PRKN: variants seen among roughly 807,000 people sequenced by gnomAD.
The protein encoded by PRKN is E3 ubiquitin-protein ligase parkin.
A neutral mutation model predicts 59.5 loss-of-function variants in PRKN; 56 were observed. That is an observed-to-expected ratio of 0.94 (90% CI 0.76 to 1.18). The LOEUF (loss-of-function observed/expected upper bound fraction) is 1.18. PRKN is among the 50% of genes most tolerant of loss of function. The pLI is 0.00. For synonymous variants in PRKN, 250 were observed against 222.1 expected (o/e 1.13, Z -1.12); for missense variants, 657 against 596.4 (o/e 1.10, Z -1.06).
intron 5 of PRKN, among the ~76,000 whole-genome samples, chr6:162,030,266 G>C (rs1471017924): frequency 6.6e-6 from 1 of 152,060 alleles, no homozygotes; most frequent in Non-Finnish European, 1.5e-5. Context: ...AAATGATGTT[G>C]CCTCCCATGT....
rs1224174461 is a variant in PRKN at position 161,357,662 on chromosome 6, A to G, written c.1285+2426T>C. Among the ~76,000 whole-genome samples the G allele has an allele frequency of 6.6e-6, 1 of 152,252 alleles. No homozygotes were observed. Among genetic ancestry groups the G allele is most frequent in the East Asian group, 1.9e-4 (1 of 5,206 alleles). ...TAGAGCTACTCACTATGACATGGTAACATCTTGTTTCCAGTCTTTTTCTTC... is the reference window on the plus strand; with the variant it reads ...TAGAGCTACTCACTATGACATGGTAGCATCTTGTTTCCAGTCTTTTTCTTC... On this transcript the variant is annotated intron_variant, in intron 11 of 11. Coordinates refer to ENST00000366898, the MANE Select transcript of PRKN (RefSeq NM_004562.3). This position sits in a 1 kb window ranked among gnomAD's most constrained non-coding sequence, Gnocchi z 5.5.
At chr6:161,615,004 C>G (rs1009405501) in intron 7 of PRKN, among the ~76,000 whole-genome samples, 2 of 151,208 alleles carry the variant, frequency 1.3e-5, no homozygotes, top group Non-Finnish European at 2.9e-5. Flanking sequence ...AGAGAGAACA[C>G]TGAAACTGTA....
intron 7 of PRKN, among the ~76,000 whole-genome samples, chr6:161,781,343 A>G (rs1484329599): frequency 6.6e-6 from 1 of 152,222 alleles, no homozygotes; most frequent in African/African-American, 2.4e-5. Flanking sequence ...AAATGTGTAG[A>G]AGGATTCCAA....
chr6:162,676,136 A>G (rs1294871308), intron 1 of PRKN, among the ~76,000 whole-genome samples: 1 of 152,180 alleles, frequency 6.6e-6, no homozygotes, highest in Non-Finnish European at 1.5e-5. Flanking sequence ...GAAATACAAA[A>G]GAAAGTGTTC....
chr6:161,658,441 T>A (rs992779690), intron 7 of PRKN, among the ~76,000 whole-genome samples: 1 of 152,128 alleles, frequency 6.6e-6, no homozygotes, highest in African/African-American at 2.4e-5. Flanking sequence ...AAACTAGAAA[T>A]CATCTTTGAA....
chr6:162,287,551 G>C (rs1781250297), intron 2 of PRKN, among the ~76,000 whole-genome samples: 1 of 152,090 alleles, frequency 6.6e-6, no homozygotes, highest in African/African-American at 2.4e-5. Flanking sequence ...CCGGGCAACA[G>C]AGAGAGACCT....
intron 9 of PRKN, among the ~76,000 whole-genome samples, chr6:161,415,369 C>G (rs575759477): frequency 4.6e-5 from 7 of 151,650 alleles, no homozygotes; most frequent in Non-Finnish European, 1.0e-4. Context: ...TAGATTTGAA[C>G]AACTCCATAA....
intron 7 of PRKN, among the ~76,000 whole-genome samples, chr6:161,628,686 G>C (rs1454932989): frequency 6.6e-6 from 1 of 152,184 alleles, no homozygotes; most frequent in Non-Finnish European, 1.5e-5. Flanking sequence ...CTTAGAAGAG[G>C]GGGTCTGACA....
chr6:162,249,198 T>C (rs1373761839), intron 3 of PRKN, among the ~76,000 whole-genome samples: 1 of 152,224 alleles, frequency 6.6e-6, no homozygotes, highest in African/African-American at 2.4e-5. Context: ...TTTAAAAAAC[T>C]GTAAGTAGTA....
At chr6:162,560,857 A>AAAAAAAAAAAAAAC (rs1269742680) in intron 1 of PRKN, among the ~76,000 whole-genome samples, 2 of 150,242 alleles carry the variant, frequency 1.3e-5, no homozygotes, top group Non-Finnish European at 3.0e-5. Flanking sequence ...GAGAGGCAAA[A>AAAAAAAAAAAAAAC]AAAAAAAAAA....
At chr6:161,934,014 C>T (rs1361812199) in intron 6 of PRKN, among the ~76,000 whole-genome samples, 3 of 152,194 alleles carry the variant, frequency 2.0e-5, no homozygotes, top group Non-Finnish European at 4.4e-5. Context: ...TGTATCCCTG[C>T]CCAAATCTCA....
chr6:162,378,684 G>A (rs1017715535), intron 2 of PRKN, among the ~76,000 whole-genome samples: 1 of 152,238 alleles, frequency 6.6e-6, no homozygotes, highest in Non-Finnish European at 1.5e-5. Context: ...ACTGTTAAAT[G>A]AGCTTAAACT....
intron 2 of PRKN, among the ~76,000 whole-genome samples, chr6:162,386,760 A>G (rs1786841196): frequency 1.3e-5 from 2 of 152,244 alleles, no homozygotes; most frequent in African/African-American, 2.4e-5. Flanking sequence ...CAGATGGAGA[A>G]AGAAAAATTG....
intron 1 of PRKN, among the ~76,000 whole-genome samples, chr6:162,607,647 AGAGTT>A (rs1007906704): frequency 9.2e-5 from 14 of 152,282 alleles, no homozygotes; most frequent in African/African-American, 3.4e-4. Flanking sequence ...GATAATCAAT[AGAGTT>A]AACTTTCTTA....
intron 2 of PRKN, among the ~76,000 whole-genome samples, chr6:162,413,917 C>T (rs762793081): frequency 1.3e-5 from 2 of 152,160 alleles, no homozygotes; most frequent in Non-Finnish European, 2.9e-5. Context: ...CGCGGTGGCT[C>T]ACGCCTGTAG....
At chr6:162,635,547 A>C (rs1010000094) in intron 1 of PRKN, among the ~76,000 whole-genome samples, 1 of 152,030 alleles carries the variant, frequency 6.6e-6, no homozygotes, top group African/African-American at 2.4e-5. Flanking sequence ...CTTATGTCGT[A>C]GCTTTGTTAA....
At chr6:162,387,137 A>G (rs1467346145) in intron 2 of PRKN, among the ~76,000 whole-genome samples, 2 of 151,860 alleles carry the variant, frequency 1.3e-5, no homozygotes, top group Non-Finnish European at 2.9e-5. Flanking sequence ...AGAATTTTTG[A>G]AGCAATGATG....
intron 3 of PRKN, among the ~76,000 whole-genome samples, chr6:162,222,621 C>T (rs1325009650): frequency 1.3e-5 from 2 of 152,124 alleles, no homozygotes; most frequent in African/African-American, 4.8e-5. Context: ...CCAATTAATG[C>T]GTTGATCCAT....
At chr6:162,574,340 A>AGTT (rs1780468952) in intron 1 of PRKN, among the ~76,000 whole-genome samples, 1 of 152,008 alleles carries the variant, frequency 6.6e-6, no homozygotes, top group Non-Finnish European at 1.5e-5. Context: ...AGTTTGCTTC[A>AGTT]AGGTTACATC....
Sources: allele counts gnomAD v4.1 joint callset (sites outside exome capture counted in the v4.1 genomes callset), GRCh38; gene constraint gnomAD v4.1.1; non-coding constraint Gnocchi (gnomAD v3.1); transcripts MANE v1.5; gene names NCBI Gene and HGNC (gene_info 2026-07-23, HGNC 2026-07-21).